The following EFNA5 variants were observed in gnomAD, a reference collection of about 807,000 sequenced individuals.
EFNA5 encodes ephrin-A5.
Under a neutral mutation model 22.9 loss-of-function variants are expected in EFNA5, and 5 were observed. The observed-to-expected ratio is 0.22, with a 90% CI of 0.11 to 0.46. The LOEUF (loss-of-function observed/expected upper bound fraction) is 0.46, where lower values mean the gene tolerates loss of function less well. EFNA5 is among the 20% of genes least tolerant of loss of function. EFNA5 has a pLI of 0.99. For synonymous variants in EFNA5, 113 were observed against 112.2 expected (o/e 1.01, Z -0.04); for missense variants, 237 against 293.3 (o/e 0.81, Z 1.40).
intron 1 of EFNA5, among the ~76,000 whole-genome samples, chr5:107,595,378 G>A (rs1035630075): frequency 1.3e-5 from 2 of 151,838 alleles, no homozygotes; most frequent in African/African-American, 4.8e-5. Context: ...AAATATGTTT[G>A]GTATAAACCT....
In EFNA5 at chr5:107,492,077, T is replaced by G. The variant is rs80017885; in HGVS notation, c.126-64568A>C. On this transcript the variant is annotated intron_variant, in intron 1 of 4. Transcript: ENST00000333274. ...CTCAAACTCTTGGCCTCAAGTAATC[T>G]GCTCACCTCTGCCTCCCAAAGTGCT... is the stretch of plus-strand genomic sequence containing the variant. Among the ~76,000 whole-genome samples, 45 of 152,052 alleles carry G rather than the reference T, an allele frequency of 3.0e-4. No homozygotes were observed. In the East Asian group the frequency reaches 8.2e-3, roughly 28 times the overall value.
intron 1 of EFNA5, among the ~76,000 whole-genome samples, chr5:107,655,916 T>TTC: frequency 6.6e-6 from 1 of 152,214 alleles, no homozygotes; most frequent in South Asian, 2.1e-4. Flanking sequence ...TGTACTAAGT[T>TTC]TAAGATAGTC....
intron 2 of EFNA5, among the ~76,000 whole-genome samples, chr5:107,400,095 C>A (rs984616116): frequency 1.3e-5 from 2 of 151,992 alleles, no homozygotes; most frequent in Non-Finnish European, 2.9e-5. Flanking sequence ...TACAGTCAGA[C>A]AACTAAAATA....
intron 1 of EFNA5, among the ~76,000 whole-genome samples, chr5:107,438,839 G>A (rs888740608): frequency 6.6e-6 from 1 of 152,152 alleles, no homozygotes. Flanking sequence ...AAGGTGGGAA[G>A]GCAAACAGGT....
intron 1 of EFNA5, among the ~76,000 whole-genome samples, chr5:107,668,417 AG>A (rs1339162212): frequency 2.0e-5 from 3 of 152,242 alleles, no homozygotes; most frequent in Non-Finnish European, 4.4e-5. Context: ...CAGTATCAAA[AG>A]CACAAAACAG....
chr5:107,657,503 T>G (rs765703784), intron 1 of EFNA5, among the ~76,000 whole-genome samples: 2 of 152,170 alleles, frequency 1.3e-5, no homozygotes, highest in Non-Finnish European at 2.9e-5. Flanking sequence ...CTTGATTTAC[T>G]ATTCTTAATA....
intron 1 of EFNA5, among the ~76,000 whole-genome samples, chr5:107,613,379 T>C (rs1749859622): frequency 6.6e-6 from 1 of 152,074 alleles, no homozygotes; most frequent in Non-Finnish European, 1.5e-5. Context: ...GCCAATGTAA[T>C]TACTACCACC....
At chr5:107,555,594 T>C (rs1748393697) in intron 1 of EFNA5, among the ~76,000 whole-genome samples, 1 of 152,130 alleles carries the variant, frequency 6.6e-6, no homozygotes, top group Non-Finnish European at 1.5e-5. Flanking sequence ...CAACATGGGT[T>C]TAATTAACCT....
chr5:107,623,056 A>G (rs75829385), intron 1 of EFNA5, among the ~76,000 whole-genome samples: 1 of 150,140 alleles, frequency 6.7e-6, no homozygotes, highest in African/African-American at 2.5e-5. Flanking sequence ...AAAAAAAAAA[A>G]AAGTTGAATA....
chr5:107,471,809 T>C (rs746583051), intron 1 of EFNA5, among the ~76,000 whole-genome samples: 50 of 152,194 alleles, frequency 3.3e-4, no homozygotes, highest in Non-Finnish European at 6.5e-4. Context: ...AATTTAAACA[T>C]CAAAGAATAC....
chr5:107,383,090 T>C (rs1580413339), intron 4 of EFNA5, among the ~76,000 whole-genome samples: 1 of 152,300 alleles, frequency 6.6e-6, no homozygotes, highest in East Asian at 1.9e-4. Flanking sequence ...GTTTTGTCCA[T>C]CACATCCATT....
intron 1 of EFNA5, among the ~76,000 whole-genome samples, chr5:107,624,460 A>T (rs1750103622): frequency 6.6e-6 from 1 of 152,172 alleles, no homozygotes; most frequent in South Asian, 2.1e-4. Flanking sequence ...AAAGTAGATC[A>T]CTTATTTGGT....
chr5:107,631,127 G>T (rs899062826), intron 1 of EFNA5, among the ~76,000 whole-genome samples: 1 of 151,992 alleles, frequency 6.6e-6, no homozygotes, highest in African/African-American at 2.4e-5. Context: ...CAAAAATAAT[G>T]ATAAGAAGTA....
chr5:107,539,616 G>A (rs1331024104), intron 1 of EFNA5, among the ~76,000 whole-genome samples: 1 of 152,032 alleles, frequency 6.6e-6, no homozygotes, highest in Admixed American at 6.6e-5. Flanking sequence ...ATGCCACCAT[G>A]CCCGGCTAAT....
chr5:107,521,751 G>A (rs1422460250), intron 1 of EFNA5, among the ~76,000 whole-genome samples: 1 of 152,100 alleles, frequency 6.6e-6, no homozygotes, highest in African/African-American at 2.4e-5. Flanking sequence ...TTGACTGAAT[G>A]TGTGTCCCTT....
chr5:107,395,154 T>A lies in EFNA5; in HGVS notation c.419-7383A>T, dbSNP rs1384434555. Among the ~76,000 whole-genome samples, 4 of 150,172 alleles carry A rather than the reference T, an allele frequency of 2.7e-5. No individual in the cohort carries two copies. In the East Asian group the frequency reaches 7.9e-4, roughly 30 times the overall value. On this transcript the variant is annotated intron_variant, in intron 2 of 4. Transcript: ENST00000333274. The stretch of plus-strand genomic sequence containing the variant: ...ACCAGGTTCAAGCGATTCTCCTGTC[T>A]CAGCCTCCTGAGTAGCTGGGATTAC...
chr5:107,591,938 A>AT (rs1749351754), intron 1 of EFNA5, among the ~76,000 whole-genome samples: 1 of 21,154 alleles, frequency 4.7e-5, no homozygotes, highest in Admixed American at 7.7e-4. Flanking sequence ...TATATAATAT[A>AT]TATATTATAT....
intron 2 of EFNA5, among the ~76,000 whole-genome samples, chr5:107,388,170 A>T (rs2112488559): frequency 6.6e-6 from 1 of 152,332 alleles, no homozygotes; most frequent in East Asian, 1.9e-4. Flanking sequence ...GGCCCAACAG[A>T]GGCCCAAGGT....
intron 2 of EFNA5, among the ~76,000 whole-genome samples, chr5:107,410,470 T>C (rs1748338823): frequency 6.6e-6 from 1 of 152,190 alleles, no homozygotes. Context: ...AGGAGAACTA[T>C]ATACTTAGTA....
Sources: allele counts gnomAD v4.1 joint callset (sites outside exome capture counted in the v4.1 genomes callset), GRCh38; gene constraint gnomAD v4.1.1; transcripts MANE v1.5; gene names NCBI Gene and HGNC (gene_info 2026-07-23, HGNC 2026-07-21).